Variants in SRRD observed in about 807,000 individuals in gnomAD.
SRRD encodes the protein SRR1-like protein.
Under a neutral mutation model 30.7 loss-of-function variants are expected in SRRD, and 28 were observed. The observed-to-expected ratio is 0.91, with a 90% CI of 0.68 to 1.25. SRRD has a LOEUF of 1.25. Ranked by LOEUF, SRRD falls within the 50% of genes most tolerant of loss-of-function variation. The probability of loss-of-function intolerance (pLI) is 0.00; values close to 1 mark genes in which losing one functional copy is unlikely to be tolerated. For missense variants in SRRD, 415 were observed against 417.3 expected (o/e 0.99, Z 0.05); for synonymous variants, 161 against 159.6 (o/e 1.01, Z -0.07).
intron 2 of SRRD, among the ~76,000 whole-genome samples, chr22:26,486,914 CTTTTTT>C (rs57889671): frequency 7.8e-6 from 1 of 128,880 alleles, no homozygotes; most frequent in Admixed American, 7.9e-5. Flanking sequence ...GTCTTTGCTG[CTTTTTT>C]TTTTTTTTTT....
chr22:26,486,256 T>A (rs752990750), intron 2 of SRRD, among the ~76,000 whole-genome samples, 193 bp downstream of exon 2: 3 of 152,220 alleles, frequency 2.0e-5, no homozygotes, highest in African/African-American at 7.2e-5. Context: ...AATGTGTATA[T>A]CCTATAGTTT....
chr22:26,486,160 G>T lies in SRRD; in HGVS notation c.250+97G>T, dbSNP rs1287381889. ...TGCTTCACAGAGGGATAACTTGCTGGGTTCTAACGCCGCCCGCCCCTTACA... is the reference window on the plus strand; with the variant it reads ...TGCTTCACAGAGGGATAACTTGCTGTGTTCTAACGCCGCCCGCCCCTTACA... On this transcript the variant is annotated intron_variant, in intron 2 of 6. Transcript: ENST00000215917. The T allele has an allele frequency of 2.7e-6, 4 of 1,473,850 alleles. No individual in the cohort carries two copies. In the African/African-American group the frequency reaches 4.2e-5, roughly 15 times the overall value. 91.3% of individuals were successfully genotyped at this position (1,473,850 alleles called of 1,614,324 possible). A position where few individuals can be genotyped will look rare whatever the true frequency, so the allele number is the denominator to read the frequency against.
In SRRD at chr22:26,494,230, C is replaced by A. The variant is rs1305129818; in HGVS notation, c.*2558C>A. The A allele has an allele frequency of 1.2e-6, 2 of 1,614,132 alleles. No individual in the cohort carries two copies. The highest frequency in any genetic ancestry group is 1.7e-6 in the Non-Finnish European group (2 of 1,180,054). On this transcript the variant is annotated 3_prime_UTR_variant, in exon 7 of 7. Coordinates refer to ENST00000215917, the MANE Select transcript of SRRD (RefSeq NM_001013694.3). ...GATGTGCCAGCACTTGGTCTGAGAA[C>A]ATCGACTTCCAACCCAGGTACCACT...
rs939909936 is a variant in SRRD at position 26,493,846 on chromosome 22, C to G, written c.*2174C>G. On this transcript the variant is annotated 3_prime_UTR_variant, in exon 7 of 7. Coordinates refer to ENST00000215917, the MANE Select transcript of SRRD (RefSeq NM_001013694.3). ...CATGAATGAGCCTTAAAAGGCCACA[C>G]AGCACAGTGGTTAAGAGGGCGGGGC... 2.7e-6 allele frequency: 1 copy of G among 371,000 alleles called. No homozygotes were observed. The highest frequency in any genetic ancestry group is 2.1e-5 in the African/African-American group (1 of 48,170). The allele number at this position is 371,000 out of a possible 1,614,324, so 23.0% of individuals were successfully genotyped here. A position where few individuals can be genotyped will look rare whatever the true frequency, so the allele number is the denominator to read the frequency against.
chr22:26,486,140 C>T, intron 2 of SRRD, 77 bp downstream of exon 2: 2 of 1,586,760 alleles, frequency 1.3e-6, no homozygotes, highest in Non-Finnish European at 1.7e-6. Context: ...CATTTTGCTT[C>T]ACAGAGGGAT....
intron 1 of SRRD, 45 bp from the exon 2 acceptor site, chr22:26,485,978 C>T (rs752535830): frequency 1.9e-6 from 3 of 1,613,234 alleles, no homozygotes; most frequent in Admixed American, 1.7e-5. Flanking sequence ...TTGGGGCAGC[C>T]CTGAGATGGG....
At chr22:26,488,931 GATTA>G (rs1193314953) in intron 4 of SRRD, among the ~76,000 whole-genome samples, 2 of 152,194 alleles carry the variant, frequency 1.3e-5, no homozygotes, top group East Asian at 3.8e-4. Flanking sequence ...GTGAGTTGTG[GATTA>G]ATTCTCTGCC....
chr22:26,490,559 C>CCTTTTTTTTTTT (rs1182177256), intron 5 of SRRD, among the ~76,000 whole-genome samples: 2 of 51,834 alleles, frequency 3.9e-5, no homozygotes, highest in Admixed American at 3.3e-4. Context: ...GGAATATTTG[C>CCTTTTTTTTTTT]TTTTTTTTTT....
Position 26,483,898 on chromosome 22 carries a change from C to T in SRRD, c.8C>T (p.Ala3Val), listed in dbSNP as rs1289618366. Residue 3 changes from alanine (A) to valine (V), a missense_variant, in exon 1 of 7, where the codon GCG becomes GTG. Physicochemically the swap from Ala to Val is moderately conservative, Grantham distance 64. Transcript: ENST00000215917. Reference protein sequence around the residue: MAAAAAAALESWQ... With the variant: MAVAAAAALESWQ... The stretch of plus-strand genomic sequence containing the variant: ...CGCTGACGTCAGAGACCAATGGCTG[C>T]GGCCGCAGCTGCGGCGCTGGAATCC... 1 of 1,347,024 alleles carries T rather than the reference C, an allele frequency of 7.4e-7. No homozygotes were observed. Among genetic ancestry groups the T allele is most frequent in the Non-Finnish European group, 9.4e-7 (1 of 1,058,830 alleles). The allele number at this position is 1,347,024 out of a possible 1,614,324, so 83.4% of individuals were successfully genotyped here.
rs578022352 is a variant in SRRD at position 26,488,079 on chromosome 22, G to A, written c.301G>A (p.Val101Met). Reference protein sequence around the residue: ...TKHLEQLKAPVGTLSDIFGNL... With the variant: ...TKHLEQLKAPMGTLSDIFGNL... ...ACATCTGGAACAACTGAAGGCCCCT[G>A]TGGGGACTCTTTCAGACATCTTTGG... Residue 101 changes from valine to methionine, a missense_variant, in exon 3 of 7, where the codon GTG becomes ATG. Val to Met is a conservative substitution (Grantham distance 21). Transcript: ENST00000215917. The A allele has an allele frequency of 6.2e-7, 1 of 1,614,162 alleles. No individual in the cohort carries two copies. Among genetic ancestry groups the A allele is most frequent in the African/African-American group, 1.3e-5 (1 of 75,064 alleles).
chr22:26,490,968 C>A, intron 5 of SRRD, 57 bp from the exon 6 acceptor site: 1 of 1,483,000 alleles, frequency 6.7e-7, no homozygotes, highest in South Asian at 1.2e-5. Flanking sequence ...AAACTATCCT[C>A]ATACCTCCTA....
At position 26,492,393 on chromosome 22, in the gene SRRD, TGAGGA is replaced by T; in HGVS notation, c.*726_*730del. ...CCTAAGATACAGGAGGACAGGGCGG[TGAGGA>T]GAGGTGTTTCCAGGTGTATGGAAGT... On this transcript the variant is annotated 3_prime_UTR_variant, in exon 7 of 7. Transcript: ENST00000215917. 1 of 1,605,418 alleles carries T rather than the reference TGAGGA, an allele frequency of 6.2e-7. No homozygotes were observed. The highest frequency in any genetic ancestry group is 8.5e-7 in the Non-Finnish European group (1 of 1,173,276).
At chr22:26,484,128 C>T (rs1307021342) in intron 1 of SRRD, 29 bp downstream of exon 1, 7 of 1,524,188 alleles carry the variant, frequency 4.6e-6, no homozygotes, top group Non-Finnish European at 6.1e-6. Context: ...CTGATGGAAT[C>T]TTTGCGCCCA....
At chr22:26,484,841 T>G (rs549561763) in intron 1 of SRRD, among the ~76,000 whole-genome samples, 3 of 152,334 alleles carry the variant, frequency 2.0e-5, no homozygotes, top group African/African-American at 7.2e-5. Flanking sequence ...TTATTTAGTA[T>G]TATTATCTTT....
Position 26,491,484 on chromosome 22 carries a change from C to G in SRRD, c.832C>G (p.Leu278Val). 1 of 1,613,374 alleles carries G rather than the reference C, an allele frequency of 6.2e-7. No homozygotes were observed. The highest frequency in any genetic ancestry group is 8.5e-7 in the Non-Finnish European group (1 of 1,179,926). Residue 278 changes from leucine to valine, a missense_variant, in exon 7 of 7, where the codon CTT becomes GTT. Coordinates refer to ENST00000215917, the MANE Select transcript of SRRD (RefSeq NM_001013694.3). ...IAKILKGLEE[L>V]EFPQTSQYMD... ...TCAGATTTTAAAAGGACTGGAGGAG[C>G]TTGAGTTTCCTCAGACTTCACAATA...
chr22:26,490,424 G>GA (rs776998619), intron 5 of SRRD, among the ~76,000 whole-genome samples: 70 of 152,182 alleles, frequency 4.6e-4, no homozygotes, highest in Non-Finnish European at 8.5e-4. Flanking sequence ...ATGATACACA[G>GA]AAATGGTTTT....
chr22:26,492,123 A>T lies in SRRD; in HGVS notation c.*451A>T. ...TAGATCACAATGCGGCCAAAGGTGT[A>T]GAGCTGCTTCCCTTCGTGTCGCTTC... On this transcript the variant is annotated 3_prime_UTR_variant, in exon 7 of 7. Transcript: ENST00000215917. The T allele has an allele frequency of 6.2e-7, 1 of 1,614,194 alleles. No homozygotes were observed. The highest frequency in any genetic ancestry group is 8.5e-7 in the Non-Finnish European group (1 of 1,180,024).
At chr22:26,491,107 GTGTGAAAC>G in intron 6 of SRRD, 37 bp downstream of exon 6, 1 of 1,584,382 alleles carries the variant, frequency 6.3e-7, no homozygotes, top group Non-Finnish European at 8.6e-7. Flanking sequence ...ATGGAAAAGG[GTGTGAAAC>G]TGTGAAGAAT....
chr22:26,485,537 C>T (rs1010867279), intron 1 of SRRD, among the ~76,000 whole-genome samples: 1 of 152,162 alleles, frequency 6.6e-6, no homozygotes, highest in Non-Finnish European at 1.5e-5. Context: ...TCTTTACTTT[C>T]CCCTTAAAAC....
Sources: gnomAD v4.1 joint callset for allele counts (sites outside exome capture counted in the v4.1 genomes callset) on GRCh38, gnomAD v4.1.1 for gene constraint, MANE v1.5 for transcripts, NCBI Gene and HGNC (gene_info 2026-07-23, HGNC 2026-07-21) for gene names.